INTS14: variants seen among roughly 807,000 people sequenced by gnomAD.
INTS14 encodes the protein UPF0464 protein C15orf44.
In INTS14, 27 loss-of-function variants were observed where a neutral mutation model predicts 56.9. That is an observed-to-expected ratio of 0.47 (90% CI 0.35 to 0.65). INTS14 has a LOEUF of 0.65. INTS14 is among the 30% of genes least tolerant of loss of function. The pLI is 0.00. For missense variants in INTS14, 517 were observed against 632.2 expected (o/e 0.82, Z 1.95); for synonymous variants, 207 against 236.2 (o/e 0.88, Z 1.13).
rs570343745 is a variant in INTS14 at position 65,583,677 on chromosome 15, T to C, written c.1239+1093A>G. Among the ~76,000 whole-genome samples the C allele has an allele frequency of 7.2e-4, 110 of 152,298 alleles. 1 individual carries two copies. The South Asian group carries it at 0.013, about 18-fold the overall frequency. ...CTTTAAAATGGTTGAAGGTACATTT[T>C]ATGTATATTTTACCAGAATAAGAAA... On this transcript the variant is annotated intron_variant, in intron 10 of 11. Transcript: ENST00000313182.
At chr15:65,602,308 C>G (rs2073466225) in intron 3 of INTS14, among the ~76,000 whole-genome samples, 1 of 137,838 alleles carries the variant, frequency 7.3e-6, no homozygotes, top group African/African-American at 2.8e-5. Flanking sequence ...TTTTTTAAGA[C>G]AGAGTCTCGC....
intron 7 of INTS14, among the ~76,000 whole-genome samples, chr15:65,594,018 C>T (rs74021146): frequency 5.5e-4 from 83 of 152,250 alleles, no homozygotes; most frequent in African/African-American, 1.9e-3. Context: ...AAAGCTTACA[C>T]ACAAAAATCC....
In INTS14 at chr15:65,593,473, T is replaced by C; in HGVS notation, c.941A>G (p.His314Arg). Reference protein sequence around the residue: ...GKIPNFCVLLHGSLKVEGMVA... With the variant: ...GKIPNFCVLLRGSLKVEGMVA... ...CATTCCTTCCACTTTTAGGCTACCATGGAGCAGGACACAAAAGTTGGGTAT... is the reference window on the plus strand; with the variant it reads ...CATTCCTTCCACTTTTAGGCTACCACGGAGCAGGACACAAAAGTTGGGTAT... Residue 314 changes from histidine to arginine, a missense_variant, in exon 8 of 12, where the codon CAT becomes CGT. Physicochemically the swap from His to Arg is conservative, Grantham distance 29. Transcript: ENST00000313182. 1.2e-6 allele frequency: 2 copies of C among 1,613,818 alleles called. No individual in the cohort carries two copies. The highest frequency in any genetic ancestry group is 8.5e-7 in the Non-Finnish European group (1 of 1,179,882).
intron 1 of INTS14, among the ~76,000 whole-genome samples, chr15:65,609,229 A>C (rs1306284862): frequency 6.6e-6 from 1 of 152,208 alleles, no homozygotes; most frequent in Admixed American, 6.5e-5. Context: ...CTGGGATTAC[A>C]GGCGTGAGCC....
intron 2 of INTS14, 138 bp downstream of exon 2, chr15:65,607,021 G>C: frequency 1.9e-6 from 2 of 1,067,634 alleles, no homozygotes; most frequent in East Asian, 2.6e-5. Flanking sequence ...GTGAATTCTT[G>C]CTGTTTAGTT....
chr15:65,580,061 T>C (rs2072538492), intron 11 of INTS14, among the ~76,000 whole-genome samples: 1 of 152,136 alleles, frequency 6.6e-6, no homozygotes, highest in Non-Finnish European at 1.5e-5. Context: ...GCCACTGTGG[T>C]GGGGCCTCAG....
At chr15:65,581,183 C>T (rs1326999135) in intron 11 of INTS14, among the ~76,000 whole-genome samples, 1 of 152,074 alleles carries the variant, frequency 6.6e-6, no homozygotes, top group African/African-American at 2.4e-5. Flanking sequence ...AGTTCAAGAC[C>T]AGCCTGGCCA....
At chr15:65,606,828 AG>A (rs1486828615) in intron 2 of INTS14, among the ~76,000 whole-genome samples, 2 of 152,166 alleles carry the variant, frequency 1.3e-5, no homozygotes, top group Non-Finnish European at 2.9e-5. Context: ...TTTATGGGAG[AG>A]TAGAAAAAAA....
chr15:65,605,251 G>T lies in INTS14; in HGVS notation c.223-15C>A. The T allele has an allele frequency of 1.3e-6, 2 of 1,583,602 alleles. No homozygotes were observed. The highest frequency in any genetic ancestry group is 2.2e-5 in the South Asian group (2 of 90,012). On this transcript the variant is annotated splice_polypyrimidine_tract_variant and intron_variant, in intron 2 of 11. Coordinates refer to ENST00000313182, the MANE Select transcript of INTS14 (RefSeq NM_001394796.1). ...CTTAGTGCTTCCTTATTGAATAAAA[G>T]ATAAAATTGCTAGTTACTCTTTAGT...
intron 9 of INTS14, 58 bp downstream of exon 9, chr15:65,591,540 T>A (rs186680085): frequency 1.3e-6 from 2 of 1,585,732 alleles, no homozygotes; most frequent in African/African-American, 1.3e-5. Context: ...GTCAGAGACA[T>A]TGAGAACAGC....
At position 65,579,527 on chromosome 15, in the gene INTS14, T is replaced by C; in HGVS notation, c.1438A>G (p.Thr480Ala). ...AGCTTGAGCTGCTGGGCAGCATGGG[T>C]CAGCTGGAATGCAGCATCAGGGTGG... ...TAHPDAAFQLTHAAQQLKLAS... is the reference protein window; with the variant it reads ...TAHPDAAFQLAHAAQQLKLAS... Residue 480 changes from threonine (T) to alanine (A), a missense_variant, in exon 12 of 12, where the codon ACC (threonine) becomes GCC (alanine). Physicochemically the swap from Thr to Ala is moderately conservative, Grantham distance 58. Transcript: ENST00000313182. 1 of 1,614,108 alleles carries C rather than the reference T, an allele frequency of 6.2e-7. No homozygotes were observed. Among genetic ancestry groups the C allele is most frequent in the Non-Finnish European group, 8.5e-7 (1 of 1,180,000 alleles).
chr15:65,581,358 C>T (rs1331084673), intron 11 of INTS14, among the ~76,000 whole-genome samples: 1 of 137,678 alleles, frequency 7.3e-6, no homozygotes, highest in East Asian at 1.9e-4. Flanking sequence ...CCAGCCTGGC[C>T]GACAGAGTGA....
In INTS14 at chr15:65,605,268, C is replaced by T; in HGVS notation, c.223-32G>A. The T allele has an allele frequency of 3.3e-6, 5 of 1,529,520 alleles. No homozygotes were observed. In the South Asian group the frequency reaches 4.5e-5, roughly 14 times the overall value. The allele number at this position is 1,529,520 out of a possible 1,614,324, so 94.7% of individuals were successfully genotyped here. A position where few individuals can be genotyped will look rare whatever the true frequency, so the allele number is the denominator to read the frequency against. On this transcript the variant is annotated intron_variant, in intron 2 of 11. Transcript: ENST00000313182. ...GAATAAAAGATAAAATTGCTAGTTA[C>T]TCTTTAGTTTTAATTAGGTATTAGA...
chr15:65,607,717 T>C (rs1332499386), intron 1 of INTS14, among the ~76,000 whole-genome samples: 2 of 152,204 alleles, frequency 1.3e-5, no homozygotes, highest in African/African-American at 4.8e-5. Flanking sequence ...AGCCCTTAAC[T>C]TTCACACATT....
chr15:65,585,996 C>T (rs971408552), intron 9 of INTS14, among the ~76,000 whole-genome samples: 4 of 152,150 alleles, frequency 2.6e-5, no homozygotes, highest in Admixed American at 2.0e-4. Flanking sequence ...CAAGTCCTTT[C>T]CCACACAACA....
Position 65,593,425 on chromosome 15 carries a change from T to G in INTS14, c.986+3A>C. 1 of 1,608,248 alleles carries G rather than the reference T, an allele frequency of 6.2e-7. No individual in the cohort carries two copies. The highest frequency in any genetic ancestry group is 8.5e-7 in the Non-Finnish European group (1 of 1,177,816). On this transcript the variant is annotated splice_donor_region_variant and intron_variant, in intron 8 of 11. Coordinates refer to ENST00000313182, the MANE Select transcript of INTS14 (RefSeq NM_001394796.1). ...TCAACCAAATGTAAACAAAGTTTCCTACCCTAATTGAACAATCGCTACCAT... is the reference window on the plus strand; with the variant it reads ...TCAACCAAATGTAAACAAAGTTTCCGACCCTAATTGAACAATCGCTACCAT...
intron 3 of INTS14, among the ~76,000 whole-genome samples, chr15:65,603,312 T>A (rs1226150203): frequency 6.6e-6 from 1 of 152,232 alleles, no homozygotes; most frequent in Non-Finnish European, 1.5e-5. Flanking sequence ...ATAACTTACA[T>A]GCAGTAAAAT....
chr15:65,593,378 G>A, intron 8 of INTS14, 50 bp downstream of exon 8: 1 of 1,568,786 alleles, frequency 6.4e-7, no homozygotes. Flanking sequence ...ACTTCACTTT[G>A]TAAAATGATT....
intron 3 of INTS14, among the ~76,000 whole-genome samples, chr15:65,600,857 T>C (rs1596260848): frequency 6.6e-6 from 1 of 152,314 alleles, no homozygotes; most frequent in East Asian, 1.9e-4. Context: ...TTTTAAAAGC[T>C]TGCCTCTGAA....
Sources: gnomAD v4.1 joint callset for allele counts (sites outside exome capture counted in the v4.1 genomes callset) on GRCh38, gnomAD v4.1.1 for gene constraint, MANE v1.5 for transcripts, NCBI Gene and HGNC (gene_info 2026-07-23, HGNC 2026-07-21) for gene names.